The following STARD13 variants were observed in gnomAD, a reference collection of about 807,000 sequenced individuals.
STARD13 encodes stAR-related lipid transfer protein 13.
Under a neutral mutation model 106.4 loss-of-function variants are expected in STARD13, and 62 were observed. The ratio of observed to expected loss-of-function variants is 0.58; its 90% CI spans 0.48 to 0.72. STARD13 has a LOEUF of 0.72. Ranked by LOEUF, STARD13 falls within the 30% of genes least tolerant of loss-of-function variation. The pLI is 0.00. For missense variants in STARD13, 1,387 were observed against 1,424.0 expected (o/e 0.97, Z 0.42); for synonymous variants, 565 against 553.0 (o/e 1.02, Z -0.31).
At chr13:33,525,450 T>G in the STARD13 span, among the ~76,000 whole-genome samples, 1 of 152,138 alleles carries the variant, frequency 6.6e-6, no homozygotes, top group Non-Finnish European at 1.5e-5. Context: ...GGAGAACAAT[T>G]TATAAGATTA....
At chr13:33,614,129 G>C in the STARD13 span, among the ~76,000 whole-genome samples, 2 of 152,318 alleles carry the variant, frequency 1.3e-5, no homozygotes, top group Admixed American at 1.3e-4. Context: ...TCTGGCCGAA[G>C]AGGGGTGCTT....
chr13:33,608,342 A>G, the STARD13 span, among the ~76,000 whole-genome samples: 1 of 152,246 alleles, frequency 6.6e-6, no homozygotes, highest in African/African-American at 2.4e-5. Context: ...TTGCACTCAT[A>G]GTCTCAATAG....
the STARD13 span, among the ~76,000 whole-genome samples, chr13:33,646,590 T>G: frequency 6.6e-6 from 1 of 152,156 alleles, no homozygotes; most frequent in Non-Finnish European, 1.5e-5. Context: ...TAGTTTGTGA[T>G]GTCACACATA....
chr13:33,167,747 A>G (rs1883495716), intron 1 of STARD13, 125 bp from the exon 2 acceptor site: 3 of 901,930 alleles, frequency 3.3e-6, no homozygotes, highest in Non-Finnish European at 5.3e-6. Context: ...GTTCCAGGTA[A>G]GTCTGCATAA....
chr13:33,629,922 A>G, the STARD13 span, among the ~76,000 whole-genome samples: 1 of 152,230 alleles, frequency 6.6e-6, no homozygotes, highest in South Asian at 2.1e-4. Context: ...CTAGATGAGT[A>G]ACACAAGCTC....
At chr13:33,585,828 C>T in the STARD13 span, among the ~76,000 whole-genome samples, 2 of 152,086 alleles carry the variant, frequency 1.3e-5, no homozygotes, top group African/African-American at 4.8e-5. Context: ...AGTTACATAG[C>T]CAGATATAAA....
chr13:33,271,993 T>G (rs941099408), intron 1 of STARD13, among the ~76,000 whole-genome samples: 5 of 152,242 alleles, frequency 3.3e-5, no homozygotes, highest in Admixed American at 6.5e-5. Flanking sequence ...TGGGAAAGTT[T>G]ATTTAACTCC....
the STARD13 span, among the ~76,000 whole-genome samples, chr13:33,386,061 C>T: frequency 6.6e-6 from 1 of 152,154 alleles, no homozygotes; most frequent in Non-Finnish European, 1.5e-5. Context: ...CAACTGCATG[C>T]AAACACAAAG....
chr13:33,106,877 C>T lies in STARD13; in HGVS notation c.3105G>A (p.Glu1035=). Residue 1035 remains glutamate (E), a synonymous_variant, in exon 13 of 14, where the codon GAG becomes GAA. Transcript: ENST00000336934. ...CACCCAGGAGCTGGGCTTCCTCATG[C>T]TCCACGGAGAGGGACACCAGGGTAC... ...GMCTLVSLSV[E]HEEAQLLGGV... is the part of the protein sequence containing the mutation. 1.2e-6 allele frequency: 2 copies of T among 1,614,190 alleles called. No individual in the cohort carries two copies. The highest frequency in any genetic ancestry group is 1.7e-6 in the Non-Finnish European group (2 of 1,180,018).
chr13:33,637,690 C>T, the STARD13 span, among the ~76,000 whole-genome samples: 1 of 152,202 alleles, frequency 6.6e-6, no homozygotes, highest in African/African-American at 2.4e-5. Context: ...TATTTTGCAG[C>T]TCATTCAAGG....
chr13:33,626,354 C>T, the STARD13 span, among the ~76,000 whole-genome samples: 3 of 152,188 alleles, frequency 2.0e-5, no homozygotes, highest in Admixed American at 2.0e-4. Context: ...ATTATTTCTA[C>T]CTTATCTTTA....
At chr13:33,646,732 C>CA in the STARD13 span, among the ~76,000 whole-genome samples, 1 of 151,396 alleles carries the variant, frequency 6.6e-6, no homozygotes, top group Non-Finnish European at 1.5e-5. Flanking sequence ...GAAATTCTGG[C>CA]AAAAGGATAG....
At chr13:33,404,402 A>G in the STARD13 span, among the ~76,000 whole-genome samples, 1 of 152,224 alleles carries the variant, frequency 6.6e-6, no homozygotes, top group Admixed American at 6.5e-5. Flanking sequence ...GAAATGAGAG[A>G]GAGAGAGTCT....
At chr13:33,114,005 G>T (rs146108023) in intron 8 of STARD13, among the ~76,000 whole-genome samples, 1 of 152,242 alleles carries the variant, frequency 6.6e-6, no homozygotes, top group African/African-American at 2.4e-5. Flanking sequence ...AATTCTCAAG[G>T]GGTGGGGAGG....
the STARD13 span, among the ~76,000 whole-genome samples, chr13:33,364,519 G>A: frequency 2.0e-5 from 3 of 152,152 alleles, no homozygotes; most frequent in Non-Finnish European, 4.4e-5. Context: ...TTTTTTAAAT[G>A]TCCCATCTAG....
the STARD13 span, among the ~76,000 whole-genome samples, chr13:33,634,992 T>C: frequency 2.6e-5 from 4 of 152,170 alleles, no homozygotes; most frequent in Non-Finnish European, 4.4e-5. Flanking sequence ...AGCTCTTCTT[T>C]GGAGATACTA....
rs112713102 is a variant in STARD13, at chr13:33,152,350, T to A, written c.324-9977A>T. On this transcript the variant is annotated intron_variant, in intron 3 of 13. Coordinates refer to ENST00000336934, the MANE Select transcript of STARD13 (RefSeq NM_178006.4). Reference sequence around the variant, plus strand: ...GTTTTTTTCATTTTTTTTCTTCTTCTCTTCTCAAAACCCATGCTACTACTT... The same window carrying A: ...GTTTTTTTCATTTTTTTTCTTCTTCACTTCTCAAAACCCATGCTACTACTT... Among the ~76,000 whole-genome samples, 865 of 151,024 alleles carry A rather than the reference T, an allele frequency of 5.7e-3. 6 individuals are homozygous for A. The highest frequency in any genetic ancestry group is 7.9e-3 in the Non-Finnish European group (535 of 67,880).
At chr13:33,432,159 G>A in the STARD13 span, among the ~76,000 whole-genome samples, 1 of 152,094 alleles carries the variant, frequency 6.6e-6, no homozygotes, top group Non-Finnish European at 1.5e-5. Flanking sequence ...GACGGTCCTG[G>A]TTGGAAGGTT....
intron 3 of STARD13, among the ~76,000 whole-genome samples, chr13:33,149,135 A>G (rs1038646426): frequency 2.6e-5 from 4 of 152,170 alleles, no homozygotes; most frequent in African/African-American, 9.7e-5. Context: ...TGGTGGATGC[A>G]TTTGCCAAAA....
Sources: gnomAD v4.1 joint callset for allele counts (sites outside exome capture counted in the v4.1 genomes callset) on GRCh38, gnomAD v4.1.1 for gene constraint, MANE v1.5 for transcripts, NCBI Gene and HGNC (gene_info 2026-07-23, HGNC 2026-07-21) for gene names.